RTN4RL1: variants seen among roughly 807,000 people sequenced by gnomAD.
RTN4RL1 encodes the protein reticulon 4 receptor like 1, also known as reticulon-4 receptor-like 1.
Under a neutral mutation model 25.6 loss-of-function variants are expected in RTN4RL1, and 7 were observed. That is an observed-to-expected ratio of 0.27 (90% confidence interval 0.16 to 0.51). The LOEUF is 0.51. Ranked by LOEUF, RTN4RL1 falls within the 20% of genes least tolerant of loss-of-function variation. The probability of loss-of-function intolerance (pLI) is 0.97; values close to 1 mark genes in which losing one functional copy is unlikely to be tolerated. For missense variants in RTN4RL1, 500 were observed against 615.6 expected, an observed-to-expected ratio of 0.81 and a Z score of 1.99; for synonymous variants, 297 against 288.2, an observed-to-expected ratio of 1.03 and a Z score of -0.31.
chr17:1,986,413 T>C (rs2066887408), intron 1 of RTN4RL1, among the ~76,000 whole-genome samples: 2 of 152,112 alleles, frequency 1.3e-5, no homozygotes, highest in African/African-American at 4.8e-5. Context: ...CCCTGGAGCC[T>C]GTGACCTTAT....
Position 1,937,767 on chromosome 17 carries a change from G to A in RTN4RL1, c.55C>T (p.Leu19=). 4 of 1,601,738 alleles carry A rather than the reference G, an allele frequency of 2.5e-6. No homozygotes were observed. Among genetic ancestry groups the A allele is most frequent in the Non-Finnish European group, 2.5e-6 (3 of 1,178,096 alleles). The change falls in exon 2 of 2, where the codon CTG becomes TTG. Residue 19 remains leucine (L), a synonymous_variant. Transcript: ENST00000331238. The part of the protein sequence containing the change: ...ELLLLLVAAE[L]PLGGGCPRDC... The stretch of plus-strand genomic sequence containing the variant: ...CGTGGGCAGCCACCACCCAGGGGCA[G>A]CTCCGCAGCTACCAACAGCAGCAGC...
intron 1 of RTN4RL1, among the ~76,000 whole-genome samples, chr17:2,001,268 G>A (rs1260387333): frequency 6.6e-6 from 1 of 151,028 alleles, no homozygotes; most frequent in Non-Finnish European, 1.5e-5. Context: ...TTTTTGAGAT[G>A]GAGTCTCACT....
At position 1,994,142 on chromosome 17, in the gene RTN4RL1, AG is replaced by A. The variant is rs546527572; in HGVS notation, c.13+30710del. On this transcript the variant is annotated intron_variant, in intron 1 of 1. Transcript: ENST00000331238. This position sits in a 1 kb window ranked among gnomAD's most constrained non-coding sequence, Gnocchi z 4.3. ...GTGGATTGCTTTCCCCAGTCTCTGG[AG>A]TAAGATCTCATTTTGCTGCCTCTGA... Among the ~76,000 whole-genome samples, 78 of 152,088 alleles carry A rather than the reference AG, an allele frequency of 5.1e-4. No individual in the cohort carries two copies. Among genetic ancestry groups the A allele is most frequent in the Admixed American group, 1.2e-3 (18 of 15,268 alleles).
At chr17:1,937,940 C>T (rs1915347227) in intron 1 of RTN4RL1, 132 bp from the exon 2 acceptor site, 2 of 788,102 alleles carry the variant, frequency 2.5e-6, no homozygotes, top group Non-Finnish European at 3.9e-6. Flanking sequence ...CTGGCTGGAG[C>T]AAGGCCAGGG....
intron 1 of RTN4RL1, among the ~76,000 whole-genome samples, chr17:1,963,725 T>C (rs1165054507): frequency 6.6e-6 from 1 of 151,732 alleles, no homozygotes; most frequent in Non-Finnish European, 1.5e-5. Context: ...CCCTTCGGAG[T>C]TTTTTCTTTT....
chr17:1,981,616 A>G (rs79594078), intron 1 of RTN4RL1, among the ~76,000 whole-genome samples: 25,393 of 152,112 alleles, frequency 0.17, 2,313 homozygotes, highest in Middle Eastern at 0.33. Context: ...GAGCAGCCTC[A>G]CACGAGTCAC....
At position 1,935,948 on chromosome 17, in the gene RTN4RL1, C is replaced by T. The variant is rs1915293670; in HGVS notation, c.*548G>A. The T allele has an allele frequency of 1.0e-6, 1 of 985,708 alleles. No homozygotes were observed. The allele number at this position is 985,708 out of a possible 1,614,324, so 61.1% of individuals were successfully genotyped here. Reference sequence around the variant, plus strand: ...AGACATCAGGAATGAGAGGCGCTACCCCCGAGGGAGGGGCTGAAGGTGGAG... The same window carrying T: ...AGACATCAGGAATGAGAGGCGCTACTCCCGAGGGAGGGGCTGAAGGTGGAG... On this transcript the variant is annotated 3_prime_UTR_variant, in exon 2 of 2. Coordinates refer to ENST00000331238, the MANE Select transcript of RTN4RL1 (RefSeq NM_178568.4).
At chr17:1,976,414 G>T (rs899183751) in intron 1 of RTN4RL1, among the ~76,000 whole-genome samples, 1 of 152,232 alleles carries the variant, frequency 6.6e-6, no homozygotes, top group Non-Finnish European at 1.5e-5. Flanking sequence ...TCACTGTAAG[G>T]TTTGCTAAGA....
intron 1 of RTN4RL1, among the ~76,000 whole-genome samples, chr17:1,953,689 T>C (rs1029788564): frequency 6.6e-6 from 1 of 152,034 alleles, no homozygotes; most frequent in Admixed American, 6.5e-5. Context: ...CTCAGCCTCC[T>C]GAGTAGCTGG....
intron 1 of RTN4RL1, among the ~76,000 whole-genome samples, chr17:1,999,457 A>AACAC (rs35596203): frequency 3.4e-5 from 5 of 145,916 alleles, no homozygotes; most frequent in South Asian, 2.2e-4. Context: ...AAAAAAATAA[A>AACAC]ACACACACAC....
At chr17:2,015,677 G>A (rs1290985761) in intron 1 of RTN4RL1, among the ~76,000 whole-genome samples, 1 of 152,208 alleles carries the variant, frequency 6.6e-6, no homozygotes, top group Non-Finnish European at 1.5e-5. Flanking sequence ...GACTGTGGAT[G>A]CCAGGGAAAA....
chr17:1,952,125 C>G (rs1163549151), intron 1 of RTN4RL1, among the ~76,000 whole-genome samples: 2 of 152,150 alleles, frequency 1.3e-5, no homozygotes, highest in Non-Finnish European at 2.9e-5. Context: ...CCTTTTGTTT[C>G]AAACGACACA....
chr17:1,987,924 G>A (rs961160224), intron 1 of RTN4RL1, among the ~76,000 whole-genome samples: 1 of 151,352 alleles, frequency 6.6e-6, no homozygotes, highest in African/African-American at 2.4e-5. Flanking sequence ...TGGCCAACAT[G>A]GTGAAACACC....
intron 1 of RTN4RL1, among the ~76,000 whole-genome samples, chr17:2,016,497 G>T (rs9909597): frequency 6.6e-6 from 1 of 152,158 alleles, no homozygotes; most frequent in Non-Finnish European, 1.5e-5. Context: ...TACTGAGTCC[G>T]CCCCAGAGCT....
At chr17:2,021,612 T>C (rs1427173063) in intron 1 of RTN4RL1, among the ~76,000 whole-genome samples, 6 of 141,922 alleles carry the variant, frequency 4.2e-5, no homozygotes, top group Non-Finnish European at 9.0e-5. Flanking sequence ...TGGAGTGCAG[T>C]GGTGCGATCT....
rs559509566 is a variant in RTN4RL1, at chr17:1,963,317, G to A, written c.14-25509C>T. Among the ~76,000 whole-genome samples the A allele has an allele frequency of 1.0e-3, 152 of 152,322 alleles. 1 individual carries two copies. Among genetic ancestry groups the A allele is most frequent in the Non-Finnish European group, 1.4e-3 (98 of 68,028 alleles). ...AATCAGGCCTGGCTGACCCAGCCCC[G>A]TGGCTCTGGGAGTCCAGCTGAGCTC... On this transcript the variant is annotated intron_variant, in intron 1 of 1. Coordinates refer to ENST00000331238, the MANE Select transcript of RTN4RL1 (RefSeq NM_178568.4).
chr17:1,957,857 AAAACAAAC>A (rs1262955365), intron 1 of RTN4RL1, among the ~76,000 whole-genome samples: 1 of 118,602 alleles, frequency 8.4e-6, no homozygotes, highest in South Asian at 3.1e-4. Flanking sequence ...CAACAACAAC[AAAACAAAC>A]AAACAAACGA....
At chr17:1,983,082 G>T (rs12103903) in intron 1 of RTN4RL1, among the ~76,000 whole-genome samples, 35,443 of 146,750 alleles carry the variant, frequency 0.24, 4,670 homozygotes, top group Middle Eastern at 0.36. Context: ...ACAGAGTCTC[G>T]CCCTGTCACC....
Position 1,976,737 on chromosome 17 carries a change from C to T in RTN4RL1, c.14-38929G>A, listed in dbSNP as rs1013847517. On this transcript the variant is annotated intron_variant, in intron 1 of 1. Transcript: ENST00000331238. ...AGAGACCACCACCCAGCTCACGGGG[C>T]AGGGAGCCAGGGGTGACACTGTCCA... 3.9e-5 allele frequency among the ~76,000 whole-genome samples: 6 copies of T among 152,206 alleles called. No homozygotes were observed. In the East Asian group the frequency reaches 1.2e-3, roughly 29 times the overall value.
Sources: allele counts gnomAD v4.1 joint callset (sites outside exome capture counted in the v4.1 genomes callset), GRCh38; gene constraint gnomAD v4.1.1; non-coding constraint Gnocchi (gnomAD v3.1); transcripts MANE v1.5; gene names NCBI Gene and HGNC (gene_info 2026-07-23, HGNC 2026-07-21).